FRMPD4: variants seen among roughly 807,000 people sequenced by gnomAD.
FRMPD4 encodes FERM and PDZ domain containing 4.
In FRMPD4, 22 loss-of-function variants were observed where a neutral mutation model predicts 94.1. The ratio of observed to expected loss-of-function variants is 0.23; its 90% confidence interval spans 0.17 to 0.33. The LOEUF (loss-of-function observed/expected upper bound fraction) is 0.33, where lower values mean the gene tolerates loss of function less well. Among genes scored for constraint, FRMPD4 ranks in the 10% least tolerant of loss-of-function variants. The pLI is 1.00. For synonymous variants in FRMPD4, 631 were observed against 548.6 expected, an observed-to-expected ratio of 1.15 and a Z score of -2.10; for missense variants, 1,111 against 1,339.9, an observed-to-expected ratio of 0.83 and a Z score of 2.67.
chrX:12,319,897 G>T (rs144883595), intron 1 of FRMPD4, among the ~76,000 whole-genome samples: 3,050 of 111,726 alleles, frequency 0.027, 77 homozygotes, highest in African/African-American at 0.087. Flanking sequence ...CAAATGTCAA[G>T]GGAAGATGAT....
At chrX:12,055,375 G>A (rs189780229) in intron 3 of FRMPD4, among the ~76,000 whole-genome samples, 2 of 111,269 alleles carry the variant, frequency 1.8e-5, no homozygotes, top group East Asian at 5.7e-4. Context: ...TACTTTTCTT[G>A]TGATAGTGAG....
At chrX:12,539,623 G>A (rs1302058054) in intron 2 of FRMPD4, among the ~76,000 whole-genome samples, 2 of 110,843 alleles carry the variant, frequency 1.8e-5, no homozygotes, top group Non-Finnish European at 3.8e-5. Flanking sequence ...GAAGAGAGTG[G>A]GGGCTAATAT....
intron 1 of FRMPD4, among the ~76,000 whole-genome samples, chrX:12,387,385 A>G (rs147775082): frequency 7.1e-4 from 80 of 112,265 alleles, no homozygotes; most frequent in African/African-American, 2.5e-3. Context: ...ATTCTAAGAC[A>G]GATTAAATAA....
chrX:12,376,201 A>T (rs1260446913), intron 1 of FRMPD4, among the ~76,000 whole-genome samples: 1 of 112,109 alleles, frequency 8.9e-6, no homozygotes, highest in Admixed American at 9.4e-5. Context: ...TATAGTCACC[A>T]TTTCCTACCA....
At chrX:12,303,044 A>G (rs1179880698) in intron 1 of FRMPD4, among the ~76,000 whole-genome samples, 2 of 111,538 alleles carry the variant, frequency 1.8e-5, no homozygotes, top group South Asian at 7.6e-4. Flanking sequence ...AAACTGGAGG[A>G]TGTTAGGGAA....
rs1199538231 is a variant in FRMPD4 at position 12,723,377 on chromosome X, A to G, written c.*1519A>G. 2 of 111,304 alleles carry G rather than the reference A, an allele frequency of 1.8e-5. No homozygotes were observed. Among genetic ancestry groups the G allele is most frequent in the African/African-American group, 6.6e-5 (2 of 30,490 alleles). 9.2% of individuals were successfully genotyped at this position (111,304 alleles called of 1,213,427 possible). A position where few individuals can be genotyped will look rare whatever the true frequency, so the allele number is the denominator to read the frequency against. On this transcript the variant is annotated 3_prime_UTR_variant, in exon 17 of 17. Transcript: ENST00000675598. ...ATTTCTACTTTTGTAGCCTGCTGAGAAGGAGTCATAACACAGTCCACAATT... is the reference window on the plus strand; with the variant it reads ...ATTTCTACTTTTGTAGCCTGCTGAGGAGGAGTCATAACACAGTCCACAATT...
chrX:11,828,607 C>T (rs1368295346), intron 1 of FRMPD4, among the ~76,000 whole-genome samples: 5 of 111,825 alleles, frequency 4.5e-5, no homozygotes, highest in African/African-American at 1.3e-4. Flanking sequence ...TGTGCCCCAT[C>T]GAAAGTGGGC....
chrX:12,204,485 C>CT, intron 1 of FRMPD4, among the ~76,000 whole-genome samples: 1 of 111,473 alleles, frequency 9.0e-6, no homozygotes, highest in Non-Finnish European at 1.9e-5. Context: ...CCAGAGCTCT[C>CT]TCCCCCAGCT....
chrX:12,214,910 A>G (rs2056790640), intron 1 of FRMPD4, among the ~76,000 whole-genome samples: 1 of 112,245 alleles, frequency 8.9e-6, no homozygotes, highest in Non-Finnish European at 1.9e-5. Context: ...CATAGCAATT[A>G]TATAAATATA....
At chrX:12,542,628 A>G (rs935602444) in intron 2 of FRMPD4, among the ~76,000 whole-genome samples, 1 of 111,809 alleles carries the variant, frequency 8.9e-6, no homozygotes, top group Non-Finnish European at 1.9e-5. Flanking sequence ...GCTCATGGAT[A>G]GAAGAATCAA....
chrX:12,295,178 A>G (rs907420147), intron 1 of FRMPD4, among the ~76,000 whole-genome samples: 1 of 112,411 alleles, frequency 8.9e-6, no homozygotes. Flanking sequence ...CTGGAGGTTC[A>G]TGTTAGCTTG....
chrX:12,037,782 T>C (rs1336898390), intron 3 of FRMPD4, among the ~76,000 whole-genome samples: 1 of 110,885 alleles, frequency 9.0e-6, no homozygotes, highest in African/African-American at 3.3e-5. Flanking sequence ...TCCTCTTGCA[T>C]TCATGTGTTC....
intron 4 of FRMPD4, among the ~76,000 whole-genome samples, chrX:12,621,968 G>GAGAAAAGAAAGAAAGAA (rs2059295043): frequency 2.4e-5 from 1 of 41,077 alleles, no homozygotes; most frequent in Non-Finnish European, 4.4e-5. Context: ...AAGAAAGAAA[G>GAGAAAAGAAAGAAAGAA]AGAAAGAAAG....
chrX:11,867,060 A>G (rs2053724295), intron 2 of FRMPD4, among the ~76,000 whole-genome samples: 1 of 111,228 alleles, frequency 9.0e-6, no homozygotes, highest in Admixed American at 9.6e-5. Context: ...AGAAAATATC[A>G]GAGTATATTA....
rs756862755 is a variant in FRMPD4 at position 12,295,320 on chromosome X, A to G, written c.41+156308A>G. On this transcript the variant is annotated intron_variant, in intron 1 of 16. Coordinates refer to ENST00000675598, the MANE Select transcript of FRMPD4 (RefSeq NM_001368397.1). ...GACTGTTGAATTGCATCAGGTTTTT[A>G]TAGTTCTGGATATACCCATCAGAAT... 5.4e-5 allele frequency among the ~76,000 whole-genome samples: 6 copies of G among 111,978 alleles called. No individual in the cohort carries two copies. In the South Asian group the frequency reaches 1.9e-3, roughly 36 times the overall value.
chrX:12,074,967 G>A (rs2055000900), intron 3 of FRMPD4, among the ~76,000 whole-genome samples: 1 of 112,295 alleles, frequency 8.9e-6, no homozygotes, highest in Admixed American at 9.4e-5. Context: ...TGATAAAAAA[G>A]CTGAAGAACC....
At position 12,427,297 on chromosome X, in the gene FRMPD4, C is replaced by G. The variant is rs376653271; in HGVS notation, c.42-71383C>G. Among the ~76,000 whole-genome samples the G allele has an allele frequency of 5.5e-4, 61 of 111,108 alleles. No homozygotes were observed. In the South Asian group the frequency reaches 0.022, roughly 40 times the overall value. On this transcript the variant is annotated intron_variant, in intron 1 of 16. Transcript: ENST00000675598. ...TTTTCTCCCCCAGTTCCATCCTCAT[C>G]TCACTCTCTCAGGGAAAAAAACAGT...
intron 2 of FRMPD4, among the ~76,000 whole-genome samples, chrX:12,506,206 G>T (rs184726149): frequency 9.3e-4 from 104 of 112,144 alleles, no homozygotes; most frequent in Non-Finnish European, 1.6e-3. Context: ...GGATAAAAGT[G>T]CTGGAAAAGG....
At position 11,991,795 on chromosome X, in the gene FRMPD4, A is replaced by T. The variant is rs142689959; in HGVS notation, c.95+113777A>T. ...ATAAACTAAAAACATGTAAACTAAG[A>T]TACATACTTTATCAGCGTCAAAGGT... On this transcript the variant is annotated intron_variant, in intron 3 of 18. Coordinates refer to the FRMPD4 transcript ENST00000640291. Among the ~76,000 whole-genome samples the T allele has an allele frequency of 7.6e-3, 856 of 112,429 alleles. 6 individuals carry two copies. The highest frequency in any genetic ancestry group is 0.027 in the African/African-American group (827 of 31,024).
Sources: allele counts gnomAD v4.1 joint callset (sites outside exome capture counted in the v4.1 genomes callset), GRCh38; gene constraint gnomAD v4.1.1; transcripts MANE v1.5; gene names NCBI Gene and HGNC (gene_info 2026-07-23, HGNC 2026-07-21).